RPH3A: variants seen among roughly 807,000 people sequenced by gnomAD.
RPH3A encodes rabphilin-3A.
Under a neutral mutation model 102.2 loss-of-function variants are expected in RPH3A, and 48 were observed. The ratio of observed to expected loss-of-function variants is 0.47; its 90% CI spans 0.37 to 0.60. The LOEUF (loss-of-function observed/expected upper bound fraction) is 0.60, where lower values mean the gene tolerates loss of function less well. Ranked by LOEUF, RPH3A falls within the 20% of genes least tolerant of loss-of-function variation. The pLI, the probability that RPH3A is intolerant of heterozygous loss-of-function variation, is 0.00. For missense variants in RPH3A, 781 were observed against 910.1 expected (o/e 0.86, Z 1.83); for synonymous variants, 310 against 324.3 (o/e 0.96, Z 0.47).
intron 1 of RPH3A, among the ~76,000 whole-genome samples, chr12:112,598,734 C>T (rs928327480): frequency 6.6e-6 from 1 of 151,956 alleles, no homozygotes; most frequent in Non-Finnish European, 1.5e-5. Flanking sequence ...ATAAAAGTTA[C>T]CAATAGCAGC....
At chr12:112,859,290 T>C (rs1256862611) in intron 5 of RPH3A, among the ~76,000 whole-genome samples, 2 of 152,236 alleles carry the variant, frequency 1.3e-5, no homozygotes, top group African/African-American at 4.8e-5. Context: ...AGAGGTTTTT[T>C]CAAGGTCATT....
chr12:112,634,273 G>A (rs2039831931), intron 1 of RPH3A, among the ~76,000 whole-genome samples: 1 of 38,320 alleles, frequency 2.6e-5, no homozygotes, highest in African/African-American at 2.4e-4. Context: ...GCGTGAACCC[G>A]GGAGGCGGAG....
At chr12:112,619,246 CTGTG>C (rs60894997) in intron 1 of RPH3A, among the ~76,000 whole-genome samples, 20,532 of 125,028 alleles carry the variant, frequency 0.16, 1,447 homozygotes, top group African/African-American at 0.2. Context: ...TATGGTAATT[CTGTG>C]TGTGTGTGTG....
intron 1 of RPH3A, among the ~76,000 whole-genome samples, chr12:112,683,541 G>A (rs1592941902): frequency 6.6e-6 from 1 of 152,178 alleles, no homozygotes; most frequent in African/African-American, 2.4e-5. Context: ...GGGACAGGAA[G>A]AGTGAACTGA....
intron 3 of RPH3A, among the ~76,000 whole-genome samples, chr12:112,830,545 G>C (rs2041952308): frequency 6.6e-6 from 1 of 152,044 alleles, no homozygotes; most frequent in African/African-American, 2.4e-5. Flanking sequence ...ATTATTAATT[G>C]TGTTTATAAC....
At chr12:112,640,059 G>A (rs918182250) in intron 1 of RPH3A, among the ~76,000 whole-genome samples, 15 of 150,534 alleles carry the variant, frequency 1.0e-4, no homozygotes, top group Admixed American at 9.9e-4. Flanking sequence ...GGCAGCTCAC[G>A]CCTGTAATCT....
chr12:112,810,788 C>G (rs1452334731), intron 2 of RPH3A, among the ~76,000 whole-genome samples: 1 of 152,122 alleles, frequency 6.6e-6, no homozygotes, highest in Non-Finnish European at 1.5e-5. Flanking sequence ...GCCTAAATTA[C>G]TAACATCTGT....
intron 2 of RPH3A, among the ~76,000 whole-genome samples, chr12:112,793,550 G>A (rs1450014553): frequency 6.6e-6 from 1 of 152,246 alleles, no homozygotes; most frequent in Non-Finnish European, 1.5e-5. Flanking sequence ...AGGCAGAAGA[G>A]GAGGGTTGTC....
chr12:112,779,454 C>T (rs2040991453), intron 1 of RPH3A, among the ~76,000 whole-genome samples: 1 of 152,200 alleles, frequency 6.6e-6, no homozygotes, highest in South Asian at 2.1e-4. Flanking sequence ...ATTAAGCTTC[C>T]TGTAGCTGCG....
At chr12:112,752,968 C>CTTTTTTTTTTTTTT (rs3037266) in intron 1 of RPH3A, among the ~76,000 whole-genome samples, 1 of 118,934 alleles carries the variant, frequency 8.4e-6, no homozygotes, top group African/African-American at 3.3e-5. Flanking sequence ...GTCCAGTTTT[C>CTTTTTTTTTTTTTT]TTTTTTTTTT....
chr12:112,723,933 G>A (rs369831761), intron 1 of RPH3A, among the ~76,000 whole-genome samples: 2 of 151,898 alleles, frequency 1.3e-5, no homozygotes, highest in East Asian at 3.8e-4. Context: ...GTTTTAGTAA[G>A]TTCTAAATTT....
intron 1 of RPH3A, among the ~76,000 whole-genome samples, chr12:112,619,054 A>G (rs2039701576): frequency 1.3e-5 from 2 of 152,152 alleles, no homozygotes; most frequent in Admixed American, 6.5e-5. Context: ...TTCAGTTTGA[A>G]TAACGTTTCA....
At chr12:112,678,707 A>G (rs1378552502) in intron 1 of RPH3A, among the ~76,000 whole-genome samples, 1 of 152,128 alleles carries the variant, frequency 6.6e-6, no homozygotes, top group African/African-American at 2.4e-5. Flanking sequence ...GCCTTTCAAC[A>G]AATAATATTG....
chr12:112,578,634 A>G (rs2039375392), intron 1 of RPH3A, among the ~76,000 whole-genome samples: 1 of 152,172 alleles, frequency 6.6e-6, no homozygotes, highest in Non-Finnish European at 1.5e-5. Flanking sequence ...TTAGGGATTG[A>G]TGGGTTCAAT....
chr12:112,600,038 C>A (rs368893569), intron 1 of RPH3A, among the ~76,000 whole-genome samples: 1 of 152,128 alleles, frequency 6.6e-6, no homozygotes, highest in African/African-American at 2.4e-5. Flanking sequence ...GCTTTGTACC[C>A]GGTACAATTT....
At chr12:112,766,519 C>T (rs972369813) in intron 1 of RPH3A, among the ~76,000 whole-genome samples, 1 of 151,940 alleles carries the variant, frequency 6.6e-6, no homozygotes, top group East Asian at 1.9e-4. Context: ...AAAGGGATCA[C>T]AAGGGAAGGA....
intron 1 of RPH3A, among the ~76,000 whole-genome samples, chr12:112,657,317 G>A (rs1427203445): frequency 6.6e-6 from 1 of 151,582 alleles, no homozygotes; most frequent in African/African-American, 2.4e-5. Context: ...AGTTGTTTGA[G>A]TTTCTTGTAG....
intron 1 of RPH3A, among the ~76,000 whole-genome samples, chr12:112,732,511 G>A (rs1297206165): frequency 6.6e-6 from 1 of 152,190 alleles, no homozygotes; most frequent in Admixed American, 6.5e-5. Flanking sequence ...ACGCACGCTA[G>A]GTTCCCCAAG....
At chr12:112,805,157 G>A (rs1225752718) in intron 2 of RPH3A, among the ~76,000 whole-genome samples, 1 of 152,054 alleles carries the variant, frequency 6.6e-6, no homozygotes, top group African/African-American at 2.4e-5. Context: ...CAAAAGATTG[G>A]TGCCCCTTTT....
Sources: gnomAD v4.1 joint callset for allele counts (sites outside exome capture counted in the v4.1 genomes callset) on GRCh38, gnomAD v4.1.1 for gene constraint, MANE v1.5 for transcripts, NCBI Gene and HGNC (gene_info 2026-07-23, HGNC 2026-07-21) for gene names.